Variants in ARHGAP12 observed in about 807,000 individuals in gnomAD.
The protein encoded by ARHGAP12 is rho GTPase-activating protein 12.
A neutral mutation model predicts 108.6 loss-of-function variants in ARHGAP12; 64 were observed. That is an observed-to-expected ratio of 0.59 (90% CI 0.48 to 0.73). The LOEUF is 0.73. Ranked by LOEUF, ARHGAP12 falls within the 30% of genes least tolerant of loss-of-function variation. The probability of loss-of-function intolerance (pLI) is 0.00; values close to 1 mark genes in which losing one functional copy is unlikely to be tolerated. For missense variants in ARHGAP12, 940 were observed against 1,005.9 expected (o/e 0.93, Z 0.89); for synonymous variants, 312 against 337.2 (o/e 0.93, Z 0.82).
chr10:31,874,675 G>GA (rs149004897), intron 3 of ARHGAP12, among the ~76,000 whole-genome samples: 7,779 of 151,706 alleles, frequency 0.051, 671 homozygotes, highest in African/African-American at 0.18. Context: ...TCTATAAGTA[G>GA]AAAAAAAATA....
At chr10:31,809,456 T>C (rs749356151) in intron 16 of ARHGAP12, 149 bp from the exon 17 acceptor site, 25 of 685,258 alleles carry the variant, frequency 3.6e-5, no homozygotes, top group Admixed American at 9.7e-5. Context: ...TGGCTTCTGG[T>C]AGATGCTTGG....
Position 31,812,586 on chromosome 10 carries a change from T to C in ARHGAP12, c.1951+121A>G, listed in dbSNP as rs1835061209. On this transcript the variant is annotated intron_variant, in intron 15 of 19. Coordinates refer to ENST00000344936, the MANE Select transcript of ARHGAP12 (RefSeq NM_018287.7). ...ACTTAATGTCTTTTAATCACTGTAC[T>C]TGAATACATGAATAAAGAATAATAT... 3 of 669,906 alleles carry C rather than the reference T, an allele frequency of 4.5e-6. No individual in the cohort carries two copies. In the African/African-American group the frequency reaches 5.5e-5, roughly 12 times the overall value. The allele number at this position is 669,906 out of a possible 1,614,324, so 41.5% of individuals were successfully genotyped here.
intron 3 of ARHGAP12, among the ~76,000 whole-genome samples, chr10:31,862,696 G>GCACACA (rs969804958): frequency 3.3e-5 from 4 of 122,178 alleles, no homozygotes; most frequent in Non-Finnish European, 3.4e-5. Flanking sequence ...AGTGGCGCAT[G>GCACACA]CACACACAGA....
At chr10:31,909,124 T>G (rs1469441243) in intron 2 of ARHGAP12, among the ~76,000 whole-genome samples, 198 bp from the exon 3 acceptor site, 1 of 152,192 alleles carries the variant, frequency 6.6e-6, no homozygotes, top group African/African-American at 2.4e-5. Flanking sequence ...GTAATCTACA[T>G]TTTTCAGTCA....
intron 12 of ARHGAP12, among the ~76,000 whole-genome samples, chr10:31,818,946 C>G (rs1474936490): frequency 6.6e-6 from 1 of 152,024 alleles, no homozygotes; most frequent in African/African-American, 2.4e-5. Context: ...ATGCACTTTT[C>G]TAGTGTTGGT....
chr10:31,890,615 G>C (rs1201555332), intron 3 of ARHGAP12, among the ~76,000 whole-genome samples: 1 of 152,178 alleles, frequency 6.6e-6, no homozygotes, highest in East Asian at 1.9e-4. Flanking sequence ...CATGGTTCCA[G>C]GAGTGTGGCA....
intron 3 of ARHGAP12, among the ~76,000 whole-genome samples, chr10:31,862,705 GACACACACACACAC>G (rs559731195): frequency 2.4e-3 from 319 of 133,168 alleles, no homozygotes; most frequent in African/African-American, 2.8e-3. Context: ...TGCACACACA[GACACACACACACAC>G]ACACACACAC....
intron 3 of ARHGAP12, 32 bp from the exon 4 acceptor site, chr10:31,861,690 T>A (rs756934985): frequency 6.5e-7 from 1 of 1,548,762 alleles, no homozygotes; most frequent in East Asian, 2.2e-5. Flanking sequence ...ATTTCATGTT[T>A]AAACTGGTAT....
At chr10:31,920,062 C>T (rs1486245096) in intron 1 of ARHGAP12, among the ~76,000 whole-genome samples, 1 of 149,888 alleles carries the variant, frequency 6.7e-6, no homozygotes. Flanking sequence ...GCCGAGATCG[C>T]GCAACTGCAC....
chr10:31,842,237 G>A (rs148932724), intron 7 of ARHGAP12, among the ~76,000 whole-genome samples: 32 of 152,168 alleles, frequency 2.1e-4, no homozygotes, highest in African/African-American at 7.7e-4. Flanking sequence ...GTTTGACTTA[G>A]AACAGTATAT....
chr10:31,886,710 T>A (rs1838202028), intron 3 of ARHGAP12, among the ~76,000 whole-genome samples: 1 of 152,218 alleles, frequency 6.6e-6, no homozygotes, highest in African/African-American at 2.4e-5. Context: ...CATTGCCTTC[T>A]TTGGTTATCT....
intron 4 of ARHGAP12, among the ~76,000 whole-genome samples, chr10:31,857,091 A>G (rs1836915389): frequency 1.3e-5 from 2 of 149,688 alleles, no homozygotes; most frequent in South Asian, 4.2e-4. Context: ...ATCTGATTCA[A>G]ATCATTCAAA....
At chr10:31,921,656 G>A (rs1839814642) in intron 1 of ARHGAP12, among the ~76,000 whole-genome samples, 1 of 151,054 alleles carries the variant, frequency 6.6e-6, no homozygotes, top group Admixed American at 6.6e-5. Flanking sequence ...CCCAGCTACT[G>A]GGGAGGCTGA....
At chr10:31,830,912 T>G (rs1835808532) in intron 10 of ARHGAP12, among the ~76,000 whole-genome samples, 1 of 152,200 alleles carries the variant, frequency 6.6e-6, no homozygotes, top group African/African-American at 2.4e-5. Context: ...TGGCGAAAGG[T>G]GTGCAGGAAT....
chr10:31,858,527 C>T (rs1047888264), intron 4 of ARHGAP12, among the ~76,000 whole-genome samples: 1 of 152,152 alleles, frequency 6.6e-6, no homozygotes, highest in Non-Finnish European at 1.5e-5. Flanking sequence ...AGCGTTGAGT[C>T]TATCCTGGGC....
At chr10:31,824,976 C>T (rs1249574790) in intron 11 of ARHGAP12, among the ~76,000 whole-genome samples, 1 of 152,130 alleles carries the variant, frequency 6.6e-6, no homozygotes, top group East Asian at 1.9e-4. Flanking sequence ...AAGAGCCCCA[C>T]ATGTTTCACC....
intron 2 of ARHGAP12, among the ~76,000 whole-genome samples, chr10:31,910,164 T>C (rs1209305455): frequency 6.6e-6 from 1 of 152,156 alleles, no homozygotes; most frequent in African/African-American, 2.4e-5. Context: ...CTGTCTGCTG[T>C]TTAAGCACTC....
chr10:31,866,145 T>C (rs775333776), intron 3 of ARHGAP12, among the ~76,000 whole-genome samples: 17 of 152,240 alleles, frequency 1.1e-4, no homozygotes, highest in South Asian at 2.1e-4. Context: ...AAAGGAAAGT[T>C]AGAAGTAGAA....
chr10:31,826,415 T>A, intron 10 of ARHGAP12, 30 bp from the exon 11 acceptor site: 1 of 1,575,790 alleles, frequency 6.3e-7, no homozygotes. Context: ...CGATTAAAGC[T>A]CCAATCTCGA....
Sources: gnomAD v4.1 joint callset for allele counts (sites outside exome capture counted in the v4.1 genomes callset) on GRCh38, gnomAD v4.1.1 for gene constraint, MANE v1.5 for transcripts, NCBI Gene and HGNC (gene_info 2026-07-23, HGNC 2026-07-21) for gene names.